The following LDAF1 variants were observed in gnomAD, a reference collection of about 807,000 sequenced individuals.
LDAF1 encodes lipid droplet assembly factor 1.
Under a neutral mutation model 13.5 loss-of-function variants are expected in LDAF1, and 7 were observed. The observed-to-expected ratio is 0.52, with a 90% confidence interval of 0.29 to 0.97. The LOEUF is 0.97. Ranked by LOEUF, LDAF1 falls within the 50% of genes least tolerant of loss-of-function variation. LDAF1 has a pLI of 0.07. For missense variants in LDAF1, 148 were observed against 193.2 expected (o/e 0.77, Z 1.39); for synonymous variants, 69 against 77.1 (o/e 0.89, Z 0.55).
intron 1 of LDAF1, chr16:21,159,447 A>G: frequency 1.2e-6 from 2 of 1,613,118 alleles, no homozygotes; most frequent in East Asian, 2.2e-5. Context: ...CCCATCCCCC[A>G]ACCAGAGATG....
At chr16:21,159,421 G>C (rs2152840128) in intron 1 of LDAF1, 1 of 1,613,976 alleles carries the variant, frequency 6.2e-7, no homozygotes, top group African/African-American at 1.3e-5. Context: ...GTGTGAGCTC[G>C]AGGCGCCCTG....
At chr16:21,178,770 C>T (rs577367888) in intron 4 of LDAF1, 1 of 152,234 alleles carries the variant, frequency 6.6e-6, no homozygotes, top group Non-Finnish European at 1.5e-5. Context: ...GTCAGATGGC[C>T]GCTGGTTGCT....
At chr16:21,166,988 G>A in intron 2 of LDAF1, 2 of 1,366,194 alleles carry the variant, frequency 1.5e-6, no homozygotes, top group Non-Finnish European at 2.0e-6. Context: ...AGAATGGTGG[G>A]GTAGCAGGAG....
intron 4 of LDAF1, chr16:21,178,049 A>G (rs2093155083): frequency 3.7e-6 from 1 of 270,446 alleles, no homozygotes; most frequent in African/African-American, 2.3e-5. Context: ...TAAAACATAA[A>G]AGATAATACA....
chr16:21,167,589 G>C (rs1239556940), intron 2 of LDAF1, among the ~76,000 whole-genome samples: 1 of 151,982 alleles, frequency 6.6e-6, no homozygotes, highest in Non-Finnish European at 1.5e-5. Flanking sequence ...TTAGTCACAG[G>C]CTGTGGCCAA....
intron 1 of LDAF1, among the ~76,000 whole-genome samples, 179 bp downstream of exon 1, chr16:21,158,925 C>G (rs551298573): frequency 1.3e-4 from 20 of 152,078 alleles, no homozygotes; most frequent in Admixed American, 9.8e-4. Flanking sequence ...TATGAGTCGC[C>G]GGGACGGGGC....
At chr16:21,172,718 C>A (rs9302393) in intron 3 of LDAF1, 65,408 of 357,164 alleles carry the variant, frequency 0.18, 6,123 homozygotes, top group South Asian at 0.26. Flanking sequence ...GTTTAGAAAT[C>A]TGAATTTTTC....
At chr16:21,167,061 C>T (rs1343382023) in intron 2 of LDAF1, 4 of 705,358 alleles carry the variant, frequency 5.7e-6, no homozygotes, top group Non-Finnish European at 7.1e-6. Flanking sequence ...TTGGCCATGC[C>T]TCGAGAGTAA....
intron 4 of LDAF1, among the ~76,000 whole-genome samples, chr16:21,175,210 C>T (rs746846150): frequency 1.1e-4 from 17 of 152,204 alleles, no homozygotes; most frequent in Admixed American, 2.6e-4. Context: ...TAAGCTCCTG[C>T]TAAATTGATG....
intron 2 of LDAF1, among the ~76,000 whole-genome samples, chr16:21,166,051 G>T (rs1284494052): frequency 6.6e-6 from 1 of 151,764 alleles, no homozygotes; most frequent in Admixed American, 6.6e-5. Flanking sequence ...TACTAGAGAC[G>T]GGGTTTCACC....
chr16:21,177,918 T>C (rs2093153994), intron 4 of LDAF1, among the ~76,000 whole-genome samples: 1 of 152,112 alleles, frequency 6.6e-6, no homozygotes, highest in Non-Finnish European at 1.5e-5. Flanking sequence ...GTACCCAGCC[T>C]GCATTAGTGA....
In LDAF1 at chr16:21,179,813, T is replaced by A. The variant is rs78307543; in HGVS notation, c.*257T>A. 427 of 404,042 alleles carry A rather than the reference T, an allele frequency of 1.1e-3. 2 individuals carry two copies. The highest frequency in any genetic ancestry group is 8.2e-3 in the African/African-American group (402 of 48,824). The allele number at this position is 404,042 out of a possible 1,614,324, so 25.0% of individuals were successfully genotyped here. ...CTGCCCCAAGTATGCAGACTTGACC[T>A]TGGCGGGGTCCTGGGCTTCTAGAGT... On this transcript the variant is annotated 3_prime_UTR_variant, in exon 5 of 5. Coordinates refer to ENST00000233047, the MANE Select transcript of LDAF1 (RefSeq NM_001301771.2).
chr16:21,165,232 G>A (rs1197662502), intron 2 of LDAF1, among the ~76,000 whole-genome samples: 2 of 152,160 alleles, frequency 1.3e-5, no homozygotes, highest in African/African-American at 2.4e-5. Context: ...AGGCCGAGGC[G>A]GGCAGATCAC....
chr16:21,171,425 G>A (rs1336285789), intron 3 of LDAF1, among the ~76,000 whole-genome samples: 1 of 152,204 alleles, frequency 6.6e-6, no homozygotes, highest in Non-Finnish European at 1.5e-5. Flanking sequence ...ACACTTGAAG[G>A]AGAAAGTAGG....
intron 2 of LDAF1, among the ~76,000 whole-genome samples, chr16:21,164,392 A>G (rs933858656): frequency 2.0e-5 from 3 of 152,088 alleles, no homozygotes; most frequent in African/African-American, 7.2e-5. Flanking sequence ...CTACAGGTGC[A>G]CACCAGCATA....
At chr16:21,171,147 C>T (rs1047289083) in intron 3 of LDAF1, among the ~76,000 whole-genome samples, 25 of 152,184 alleles carry the variant, frequency 1.6e-4, no homozygotes, top group African/African-American at 5.6e-4. Flanking sequence ...ATGCCAGATG[C>T]CTCGCTAGGT....
In LDAF1 at chr16:21,170,400, T is replaced by C. The variant is rs190645719; in HGVS notation, c.97-37T>C. ...ATTCATTCAACCTGGGGTTCCGATG[T>C]GTTACTTATCCCTGGCTCTTTGTCC... On this transcript the variant is annotated intron_variant, in intron 2 of 4. Coordinates refer to ENST00000233047, the MANE Select transcript of LDAF1 (RefSeq NM_001301771.2). 1.7e-4 allele frequency: 271 copies of C among 1,611,288 alleles called. No individual in the cohort carries two copies. In the African/African-American group the frequency reaches 3.4e-3, roughly 20 times the overall value.
rs1024399248 is a variant in LDAF1 at position 21,167,040 on chromosome 16, A to G, written c.97-3397A>G. Reference sequence around the variant, plus strand: ...GCATTATGCCGTCCTGTGGCCTGGCAGGGAGTGAAATTGGCCATGCCTCGA... The same window carrying G: ...GCATTATGCCGTCCTGTGGCCTGGCGGGGAGTGAAATTGGCCATGCCTCGA... On this transcript the variant is annotated intron_variant, in intron 2 of 4. Coordinates refer to ENST00000233047, the MANE Select transcript of LDAF1 (RefSeq NM_001301771.2). 4.0e-5 allele frequency: 34 copies of G among 847,268 alleles called. No homozygotes were observed. In the South Asian group the frequency reaches 5.6e-4, roughly 14 times the overall value. The allele number at this position is 847,268 out of a possible 1,614,324, so 52.5% of individuals were successfully genotyped here.
At position 21,174,131 on chromosome 16, in the gene LDAF1, C is replaced by G; in HGVS notation, c.387C>G (p.Ser129Arg). The change falls in exon 4 of 5, where the codon AGC becomes AGG. Residue 129 changes from serine (S) to arginine (R), a missense_variant. By Grantham distance (110) the Ser-to-Arg change is moderately radical. Transcript: ENST00000233047. ...ATGTAGTGGTCTCCAGCCTCATCAG[C>G]TGCTGGTTTTCTCCCAGGTAAATAC... is the stretch of plus-strand genomic sequence containing the variant. ...ASYVVVSSLI[S>R]CWFSPRPLTQ... 1 of 1,609,432 alleles carries G rather than the reference C, an allele frequency of 6.2e-7. No homozygotes were observed. Among genetic ancestry groups the G allele is most frequent in the Non-Finnish European group, 8.5e-7 (1 of 1,178,814 alleles).
Sources: allele counts gnomAD v4.1 joint callset (sites outside exome capture counted in the v4.1 genomes callset), GRCh38; gene constraint gnomAD v4.1.1; transcripts MANE v1.5; gene names NCBI Gene and HGNC (gene_info 2026-07-23, HGNC 2026-07-21).